Variants in CDH4 observed in about 807,000 individuals in gnomAD.
The protein encoded by CDH4 is cadherin-4.
CDH4 carries 33 observed loss-of-function variants against 86.0 expected under a neutral mutation model. The ratio of observed to expected loss-of-function variants is 0.38; its 90% CI spans 0.29 to 0.51. The LOEUF is 0.51. Ranked by LOEUF, CDH4 falls within the 20% of genes least tolerant of loss-of-function variation. The pLI is 0.86. For missense variants in CDH4, 1,114 were observed against 1,307.4 expected (o/e 0.85, Z 2.28); for synonymous variants, 555 against 549.4 (o/e 1.01, Z -0.14).
intron 2 of CDH4, among the ~76,000 whole-genome samples, chr20:61,560,447 G>A (rs189687356): frequency 1.3e-5 from 2 of 152,350 alleles, no homozygotes; most frequent in Admixed American, 1.3e-4. Flanking sequence ...CTTTATGGGT[G>A]TGTGTCACAG....
chr20:61,905,357 A>ATG (rs1399310113), intron 8 of CDH4, among the ~76,000 whole-genome samples: 2 of 152,254 alleles, frequency 1.3e-5, no homozygotes, highest in African/African-American at 4.8e-5. Context: ...CTGCAAGGGA[A>ATG]TGGACGCAGA....
chr20:61,424,323 A>G (rs1029900692), intron 2 of CDH4, among the ~76,000 whole-genome samples: 2 of 151,538 alleles, frequency 1.3e-5, no homozygotes, highest in East Asian at 1.9e-4. Context: ...ACATCCACAT[A>G]CAACACACAT....
chr20:61,265,119 A>G (rs1423227644), intron 2 of CDH4, among the ~76,000 whole-genome samples: 1 of 139,412 alleles, frequency 7.2e-6, no homozygotes, highest in African/African-American at 2.7e-5. Flanking sequence ...TTACACATAC[A>G]GTGGCTCCTT....
intron 11 of CDH4, among the ~76,000 whole-genome samples, chr20:61,927,083 C>T (rs1378742022): frequency 1.3e-5 from 2 of 152,166 alleles, no homozygotes; most frequent in Admixed American, 6.5e-5. Context: ...CGCCGCGCTG[C>T]GTCACCTTAA....
chr20:61,762,970 G>C (rs6061350), intron 3 of CDH4, among the ~76,000 whole-genome samples: 1 of 152,036 alleles, frequency 6.6e-6, no homozygotes, highest in Non-Finnish European at 1.5e-5. Flanking sequence ...CATTCCCATA[G>C]ATGCTTTTGT....
chr20:61,404,601 G>C (rs566265221), intron 2 of CDH4, among the ~76,000 whole-genome samples: 2 of 152,056 alleles, frequency 1.3e-5, no homozygotes, highest in Non-Finnish European at 2.9e-5. Context: ...CAGGGGATTT[G>C]GGAGAAAATT....
At chr20:61,715,813 CGGCCCAGGTCCCATGCACT>C (rs1036345501) in intron 2 of CDH4, among the ~76,000 whole-genome samples, 5 of 152,276 alleles carry the variant, frequency 3.3e-5, no homozygotes, top group Middle Eastern at 3.4e-3. Context: ...TGCAGCTTGC[CGGCCCAGGTCCCATGCACT>C]GGGCCAGGCC....
chr20:61,427,593 A>C (rs2085221993), intron 2 of CDH4, among the ~76,000 whole-genome samples: 1 of 151,854 alleles, frequency 6.6e-6, no homozygotes, highest in Non-Finnish European at 1.5e-5. Context: ...ATTATTTTGC[A>C]CATTTCCAAG....
rs1452476106 is a variant in CDH4 at position 61,501,452 on chromosome 20, C to A, written c.170-242111C>A. On this transcript the variant is annotated intron_variant, in intron 2 of 15. Coordinates refer to ENST00000614565, the MANE Select transcript of CDH4 (RefSeq NM_001794.5). This position sits in a 1 kb window ranked among gnomAD's most constrained non-coding sequence, Gnocchi z 4.2. ...GCTACGTACTTGGCCACGGAGAGTC[C>A]AGGTGGGAAGAATTTATTAGGTGAG... Among the ~76,000 whole-genome samples, 2 of 152,086 alleles carry A rather than the reference C, an allele frequency of 1.3e-5. No individual in the cohort carries two copies. The highest frequency in any genetic ancestry group is 4.8e-5 in the African/African-American group (2 of 41,410).
At chr20:61,421,509 C>T (rs1322659474) in intron 2 of CDH4, among the ~76,000 whole-genome samples, 3 of 152,136 alleles carry the variant, frequency 2.0e-5, no homozygotes, top group Non-Finnish European at 2.9e-5. Flanking sequence ...GTGGAGGTTG[C>T]GTTTCAGGAT....
intron 2 of CDH4, among the ~76,000 whole-genome samples, chr20:61,549,729 T>C (rs1184505915): frequency 2.0e-5 from 3 of 152,204 alleles, no homozygotes; most frequent in Admixed American, 2.0e-4. Context: ...GATGCCGAGA[T>C]TGCAGCATTA....
intron 2 of CDH4, among the ~76,000 whole-genome samples, chr20:61,457,982 C>T (rs147356324): frequency 0.023 from 3,451 of 146,886 alleles, 175 homozygotes; most frequent in African/African-American, 0.084. Flanking sequence ...ATGATGATGA[C>T]AGTGCTGACA....
chr20:61,326,044 G>A (rs2084535548), intron 2 of CDH4, among the ~76,000 whole-genome samples: 2 of 152,200 alleles, frequency 1.3e-5, no homozygotes, highest in South Asian at 2.1e-4. Context: ...TAGTGGGAGT[G>A]GAACTCACTG....
chr20:61,520,488 G>T (rs2085860627), intron 2 of CDH4, among the ~76,000 whole-genome samples: 1 of 152,204 alleles, frequency 6.6e-6, no homozygotes, highest in Non-Finnish European at 1.5e-5. Flanking sequence ...GGTGGTGTGT[G>T]TGTCAAGGGA....
chr20:61,325,569 A>G (rs2084532446), intron 2 of CDH4, among the ~76,000 whole-genome samples: 1 of 149,002 alleles, frequency 6.7e-6, no homozygotes, highest in African/African-American at 2.5e-5. Context: ...TCTGTGGGGC[A>G]GGGGGTTAGA....
chr20:61,380,063 T>C (rs977095357), intron 2 of CDH4, among the ~76,000 whole-genome samples: 7 of 152,184 alleles, frequency 4.6e-5, no homozygotes, highest in African/African-American at 1.4e-4. Flanking sequence ...CAAGGATGCA[T>C]AGGGAGAGAT....
chr20:61,708,950 G>A lies in CDH4; in HGVS notation c.170-34613G>A, dbSNP rs928578840. 6.6e-6 allele frequency among the ~76,000 whole-genome samples: 1 copy of A among 152,226 alleles called. No homozygotes were observed. Among genetic ancestry groups the A allele is most frequent in the Non-Finnish European group, 1.5e-5 (1 of 68,038 alleles). On this transcript the variant is annotated intron_variant, in intron 2 of 15. Transcript: ENST00000614565. This position sits in a 1 kb window ranked among gnomAD's most constrained non-coding sequence, Gnocchi z 4.5. The stretch of plus-strand genomic sequence containing the variant: ...ATTGGACATTAGAAAACAAAAGGCT[G>A]TTCCTTCAGCCAGACGGACGGGCAG...
chr20:61,856,800 T>C (rs1440826263), intron 6 of CDH4, among the ~76,000 whole-genome samples: 2 of 152,120 alleles, frequency 1.3e-5, no homozygotes, highest in African/African-American at 4.8e-5. Flanking sequence ...GAGTGAGATG[T>C]CTTGTTAGTG....
intron 2 of CDH4, among the ~76,000 whole-genome samples, chr20:61,339,022 C>T (rs530360933): frequency 3.3e-5 from 5 of 152,246 alleles, no homozygotes; most frequent in African/African-American, 1.2e-4. Context: ...TATTCAAGCA[C>T]TACAATTCTG....
Sources: gnomAD v4.1 joint callset for allele counts (sites outside exome capture counted in the v4.1 genomes callset) on GRCh38, gnomAD v4.1.1 for gene constraint, Gnocchi (gnomAD v3.1) non-coding constraint, MANE v1.5 for transcripts, NCBI Gene and HGNC (gene_info 2026-07-23, HGNC 2026-07-21) for gene names.